Variants in BIRC2 observed in about 807,000 individuals in gnomAD.
The protein encoded by BIRC2 is baculoviral IAP repeat containing 2.
In BIRC2, 18 loss-of-function variants were observed where a neutral mutation model predicts 60.9. The observed-to-expected ratio is 0.30, with a 90% CI of 0.20 to 0.44. The LOEUF (loss-of-function observed/expected upper bound fraction) is 0.44. BIRC2 is among the 20% of genes least tolerant of loss of function. The probability of loss-of-function intolerance (pLI) is 1.00; values close to 1 mark genes in which losing one functional copy is unlikely to be tolerated. For synonymous variants in BIRC2, 282 were observed against 247.7 expected, an observed-to-expected ratio of 1.14 and a Z score of -1.30; for missense variants, 701 against 728.5, an observed-to-expected ratio of 0.96 and a Z score of 0.43.
At chr11:102,375,938 T>C (rs542887005) in intron 6 of BIRC2, among the ~76,000 whole-genome samples, 48 of 151,994 alleles carry the variant, frequency 3.2e-4, no homozygotes, top group African/African-American at 9.7e-4. Flanking sequence ...TAAAACACTT[T>C]AACACAGCTC....
Position 102,368,698 on chromosome 11 carries a change from C to T in BIRC2, c.1366+150C>T, listed in dbSNP as rs139150427. ...CGAAACCATCCCTCCTTTTCTACCC[C>T]TTTCAATTGCTTCTAGTTGAGAACC... On this transcript the variant is annotated intron_variant, in intron 6 of 8. Coordinates refer to ENST00000227758, the MANE Select transcript of BIRC2 (RefSeq NM_001166.5). The T allele has an allele frequency of 4.1e-4, 446 of 1,077,548 alleles. 5 individuals are homozygous for T. In the African/African-American group the frequency reaches 6.6e-3, roughly 16 times the overall value. 66.7% of individuals were successfully genotyped at this position (1,077,548 alleles called of 1,614,324 possible).
chr11:102,372,730 T>C (rs1951649659), intron 6 of BIRC2, among the ~76,000 whole-genome samples: 1 of 132,526 alleles, frequency 7.5e-6, no homozygotes, highest in South Asian at 2.9e-4. Context: ...CTTGTTGACT[T>C]TCTGTCTCGT....
chr11:102,359,057 T>A (rs1951455389), intron 3 of BIRC2, among the ~76,000 whole-genome samples: 1 of 152,212 alleles, frequency 6.6e-6, no homozygotes, highest in Non-Finnish European at 1.5e-5. Flanking sequence ...TGTCTTCCCT[T>A]GTGTTTAGAT....
intron 1 of BIRC2, among the ~76,000 whole-genome samples, chr11:102,348,069 G>C (rs1169202958): frequency 6.6e-6 from 1 of 152,234 alleles, no homozygotes; most frequent in Non-Finnish European, 1.5e-5. Flanking sequence ...GTTGCTTTCT[G>C]TGGTCGTTGC....
chr11:102,368,117 A>G (rs138773011), intron 5 of BIRC2, among the ~76,000 whole-genome samples, 189 bp from the exon 6 acceptor site: 4 of 152,318 alleles, frequency 2.6e-5, no homozygotes, highest in African/African-American at 9.6e-5. Context: ...AGTATAGCAT[A>G]TTAATTGTAT....
chr11:102,348,271 C>T (rs1951314899), intron 1 of BIRC2: 1 of 152,438 alleles, frequency 6.6e-6, no homozygotes, highest in African/African-American at 2.4e-5. Context: ...TGTGCCTTTG[C>T]CTCCAGCAGA....
At chr11:102,352,736 A>G (rs776907154) in intron 3 of BIRC2, among the ~76,000 whole-genome samples, 3 of 152,112 alleles carry the variant, frequency 2.0e-5, no homozygotes, top group Non-Finnish European at 2.9e-5. Context: ...CTGCCGCACC[A>G]TTCTATTTCT....
intron 6 of BIRC2, among the ~76,000 whole-genome samples, chr11:102,370,174 A>C (rs1327380124): frequency 1.3e-4 from 20 of 149,332 alleles, no homozygotes; most frequent in African/African-American, 4.9e-4. Context: ...GTTGAATTAG[A>C]TCCCATTTGT....
intron 3 of BIRC2, among the ~76,000 whole-genome samples, chr11:102,351,633 A>AAAG (rs1951362443): frequency 6.7e-6 from 1 of 150,230 alleles, no homozygotes; most frequent in African/African-American, 2.5e-5. Flanking sequence ...AAAAAAAAAA[A>AAAG]AAAAGAAAAA....
chr11:102,357,016 T>C (rs1369198048), intron 3 of BIRC2, among the ~76,000 whole-genome samples: 1 of 152,218 alleles, frequency 6.6e-6, no homozygotes. Context: ...TGGTATCACA[T>C]TTATTGATTT....
intron 5 of BIRC2, among the ~76,000 whole-genome samples, chr11:102,367,715 TCTAAAATCATACTGC>T (rs1951569734): frequency 6.6e-6 from 1 of 152,234 alleles, no homozygotes; most frequent in Non-Finnish European, 1.5e-5. Flanking sequence ...TCTGTCACTG[TCTAAAATCATACTGC>T]CTTAATTACT....
At chr11:102,369,450 T>C (rs2135819414) in intron 6 of BIRC2, among the ~76,000 whole-genome samples, 1 of 151,704 alleles carries the variant, frequency 6.6e-6, no homozygotes, top group Admixed American at 6.6e-5. Flanking sequence ...TTACTGAGAA[T>C]GATGATTTCC....
At chr11:102,355,374 T>A (rs1022800126) in intron 3 of BIRC2, among the ~76,000 whole-genome samples, 2 of 152,214 alleles carry the variant, frequency 1.3e-5, no homozygotes, top group Non-Finnish European at 2.9e-5. Flanking sequence ...AAGAGACTTA[T>A]CATTTCAACA....
rs114810400 is a variant in BIRC2, at chr11:102,351,317, A to G, written c.995+374A>G. Among the ~76,000 whole-genome samples the G allele has an allele frequency of 4.3e-3, 648 of 152,342 alleles. 7 individuals carry two copies. The highest frequency in any genetic ancestry group is 0.015 in the African/African-American group (612 of 41,586). On this transcript the variant is annotated intron_variant, in intron 3 of 8. Coordinates refer to ENST00000227758, the MANE Select transcript of BIRC2 (RefSeq NM_001166.5). ...ATAAGTCAAATGTAAAAGTCCATGT[A>G]TTAAGAGCATATCTTAGATGGGCGT... is the stretch of plus-strand genomic sequence containing the variant.
At chr11:102,354,313 G>A (rs954962514) in intron 3 of BIRC2, among the ~76,000 whole-genome samples, 2 of 152,124 alleles carry the variant, frequency 1.3e-5, no homozygotes, top group Non-Finnish European at 2.9e-5. Flanking sequence ...GGCTTCAAGC[G>A]ATTCTCCTGC....
In BIRC2 at chr11:102,374,423, T is replaced by G. The variant is rs1180882252; in HGVS notation, c.1367-3073T>G. On this transcript the variant is annotated intron_variant, in intron 6 of 8. Coordinates refer to ENST00000227758, the MANE Select transcript of BIRC2 (RefSeq NM_001166.5). ...CAGCTGCAGGTCTGTTGGAATACCC[T>G]GCCGTGTGAGGTGTCAGTGTGCCCC... is the stretch of plus-strand genomic sequence containing the variant. Among the ~76,000 whole-genome samples the G allele has an allele frequency of 3.9e-3, 570 of 147,774 alleles. 5 individuals are homozygous for G. Among genetic ancestry groups the G allele is most frequent in the African/African-American group, 0.013 (531 of 39,900 alleles).
chr11:102,362,878 T>G lies in BIRC2; in HGVS notation c.996-18T>G. On this transcript the variant is annotated intron_variant, in intron 3 of 8. Transcript: ENST00000227758. ...ATATGAAACAATTTTAAAAAATAAT[T>G]TTCCTCATATGTTTTAGGTGTGAGT... 1 of 1,592,010 alleles carries G rather than the reference T, an allele frequency of 6.3e-7. No individual in the cohort carries two copies. The highest frequency in any genetic ancestry group is 8.6e-7 in the Non-Finnish European group (1 of 1,162,550).
At position 102,377,860 on chromosome 11, in the gene BIRC2, A is replaced by T. The variant is rs1351949904; in HGVS notation, c.1625A>T (p.Asp542Val). 9 of 1,608,394 alleles carry T rather than the reference A, an allele frequency of 5.6e-6. No individual in the cohort carries two copies. Among genetic ancestry groups the T allele is most frequent in the African/African-American group, 1.3e-5 (1 of 74,600 alleles). The change falls in exon 8 of 9, where the codon GAT becomes GTT. Residue 542 changes from aspartate to valine, a missense_variant. This residue lies in a region of BIRC2 where 235 missense variants were observed against 208.9 expected (regional missense o/e 1.12). Coordinates refer to ENST00000227758, the MANE Select transcript of BIRC2 (RefSeq NM_001166.5). ...DSTLYKNLFV[D>V]KNMKYIPTED... The stretch of plus-strand genomic sequence containing the variant: ...TTTTTATGTTTTCTTTCCTCAGTGG[A>T]TAAGAATATGAAGTATATTCCAACA...
At chr11:102,372,160 C>G (rs1400209418) in intron 6 of BIRC2, among the ~76,000 whole-genome samples, 6 of 152,116 alleles carry the variant, frequency 3.9e-5, no homozygotes, top group Admixed American at 6.5e-5. Flanking sequence ...TTTTGTGTCT[C>G]TATTTCCTTC....
Sources: allele counts gnomAD v4.1 joint callset (sites outside exome capture counted in the v4.1 genomes callset), GRCh38; gene constraint gnomAD v4.1.1; regional missense constraint gnomAD v4.1.1; transcripts MANE v1.5; gene names NCBI Gene and HGNC (gene_info 2026-07-23, HGNC 2026-07-21).